GRIN2A: variants seen among roughly 807,000 people sequenced by gnomAD.
GRIN2A encodes the protein glutamate receptor ionotropic, NMDA 2A.
GRIN2A carries 22 observed loss-of-function variants against 113.4 expected under a neutral mutation model. The observed-to-expected ratio is 0.19, with a 90% confidence interval of 0.14 to 0.28. The LOEUF (loss-of-function observed/expected upper bound fraction) is 0.28. Among genes scored for constraint, GRIN2A ranks in the 10% least tolerant of loss-of-function variants. The pLI, the probability that GRIN2A is intolerant of heterozygous loss-of-function variation, is 1.00. For synonymous variants in GRIN2A, 827 were observed against 738.4 expected (o/e 1.12, Z -1.94); for missense variants, 1,502 against 1,887.0 (o/e 0.80, Z 3.78).
intron 2 of GRIN2A, among the ~76,000 whole-genome samples, chr16:10,107,692 G>T (rs549136167): frequency 6.6e-6 from 1 of 152,374 alleles, no homozygotes; most frequent in South Asian, 2.1e-4. Context: ...GAAGATTCCT[G>T]AAAGGGAAAG....
chr16:9,978,687 G>A (rs968099024), intron 2 of GRIN2A, among the ~76,000 whole-genome samples: 1 of 152,130 alleles, frequency 6.6e-6, no homozygotes, highest in African/African-American at 2.4e-5. Flanking sequence ...CCTCCAGAAG[G>A]ATTTTTATCA....
At chr16:10,007,259 G>A (rs1371916932) in intron 2 of GRIN2A, among the ~76,000 whole-genome samples, 1 of 152,134 alleles carries the variant, frequency 6.6e-6, no homozygotes, top group Non-Finnish European at 1.5e-5. Context: ...AAAAAGTACA[G>A]GGTTCCCCTT....
chr16:9,829,107 T>C (rs2042440173), intron 9 of GRIN2A, among the ~76,000 whole-genome samples: 1 of 152,158 alleles, frequency 6.6e-6, no homozygotes, highest in Admixed American at 6.5e-5. Context: ...AAAGGATGAA[T>C]TTCAACCTAA....
chr16:9,779,608 G>A (rs7190785), intron 11 of GRIN2A, among the ~76,000 whole-genome samples: 99,069 of 151,952 alleles, frequency 0.65, 32,588 homozygotes, highest in East Asian at 0.72. Flanking sequence ...TATTACAGAA[G>A]GGACCCTATA....
intron 4 of GRIN2A, among the ~76,000 whole-genome samples, chr16:9,855,893 G>A (rs1422111621): frequency 2.0e-5 from 3 of 152,186 alleles, no homozygotes; most frequent in Admixed American, 1.3e-4. Flanking sequence ...TCTCCATGCT[G>A]CACAAAAAAC....
intron 9 of GRIN2A, 38 bp downstream of exon 9, chr16:9,829,385 C>T: frequency 7.2e-7 from 1 of 1,381,452 alleles, no homozygotes. Flanking sequence ...GCAGTTAAGA[C>T]CAACCCTCAG....
At chr16:9,796,834 G>A (rs377027254) in intron 11 of GRIN2A, among the ~76,000 whole-genome samples, 2 of 152,292 alleles carry the variant, frequency 1.3e-5, no homozygotes, top group South Asian at 2.1e-4. Flanking sequence ...ACTGTTGTAC[G>A]CCTCTAAGAT....
rs113098756 is a variant in GRIN2A at position 9,858,312 on chromosome 16, C to T, written c.1123-8351G>A. On this transcript the variant is annotated intron_variant, in intron 4 of 12. Coordinates refer to ENST00000330684, the MANE Select transcript of GRIN2A (RefSeq NM_001134407.3). ...TAGGCACTTATTATGTATCAGGCACCATTCTTAGTGCTATTTTAATTCTAA... is the reference window on the plus strand; with the variant it reads ...TAGGCACTTATTATGTATCAGGCACTATTCTTAGTGCTATTTTAATTCTAA... Among the ~76,000 whole-genome samples, 1,226 of 152,230 alleles carry T rather than the reference C, an allele frequency of 8.1e-3. 6 individuals carry two copies. The highest frequency in any genetic ancestry group is 0.013 in the Non-Finnish European group (866 of 68,004).
rs186756378 is a variant in GRIN2A, at chr16:9,933,474, C to T, written c.1007+4485G>A. ...CCTCAGTAACTCACCACGAAGATATCAGGTATGACCTCATCTGAACTTCTT... is the reference window on the plus strand; with the variant it reads ...CCTCAGTAACTCACCACGAAGATATTAGGTATGACCTCATCTGAACTTCTT... On this transcript the variant is annotated intron_variant, in intron 3 of 12. Coordinates refer to ENST00000330684, the MANE Select transcript of GRIN2A (RefSeq NM_001134407.3). 1.1e-4 allele frequency among the ~76,000 whole-genome samples: 16 copies of T among 152,334 alleles called. 1 individual carries two copies. The highest frequency in any genetic ancestry group is 6.5e-4 in the Admixed American group (10 of 15,304).
chr16:9,803,878 A>G (rs1233391663), intron 10 of GRIN2A, among the ~76,000 whole-genome samples: 3 of 152,210 alleles, frequency 2.0e-5, no homozygotes, highest in African/African-American at 7.2e-5. Flanking sequence ...AGGCAGCTCT[A>G]TTACTTAGAA....
intron 4 of GRIN2A, among the ~76,000 whole-genome samples, chr16:9,872,499 C>A (rs1263639029): frequency 1.3e-5 from 2 of 152,118 alleles, no homozygotes; most frequent in Non-Finnish European, 2.9e-5. Context: ...GACAGATGTC[C>A]CATCTGTATT....
At chr16:9,838,697 C>T (rs1188723123) in intron 7 of GRIN2A, among the ~76,000 whole-genome samples, 2 of 152,156 alleles carry the variant, frequency 1.3e-5, no homozygotes, top group African/African-American at 4.8e-5. Flanking sequence ...TATTAATTTA[C>T]ATTCCACAGT....
chr16:9,991,984 G>T (rs2046124322), intron 2 of GRIN2A, among the ~76,000 whole-genome samples: 1 of 152,110 alleles, frequency 6.6e-6, no homozygotes, highest in Non-Finnish European at 1.5e-5. Flanking sequence ...GGGTTGATGG[G>T]TGCAGCAAAC....
intron 2 of GRIN2A, among the ~76,000 whole-genome samples, chr16:9,999,334 GAT>G (rs1369908757): frequency 6.6e-6 from 1 of 152,156 alleles, no homozygotes; most frequent in Non-Finnish European, 1.5e-5. Flanking sequence ...ATGAAGGATT[GAT>G]AAGAATCAAG....
rs1400154246 is a variant in GRIN2A at position 10,182,370 on chromosome 16, G to C, written c.-512C>G. 2 of 152,312 alleles carry C rather than the reference G, an allele frequency of 1.3e-5. No individual in the cohort carries two copies. The highest frequency in any genetic ancestry group is 2.9e-5 in the Non-Finnish European group (2 of 68,142). The allele number at this position is 152,312 out of a possible 1,614,324, so 9.4% of individuals were successfully genotyped here. A position where few individuals can be genotyped will look rare whatever the true frequency, so the allele number is the denominator to read the frequency against. On this transcript the variant is annotated 5_prime_UTR_variant, in exon 1 of 13. Coordinates refer to ENST00000330684, the MANE Select transcript of GRIN2A (RefSeq NM_001134407.3). ...CACCCCCTACCACCTCCCCAGCGCC[G>C]GCTGCTGGGAGTTGTGCGACCGGGA...
chr16:9,948,699 G>C (rs2045087356), intron 2 of GRIN2A, among the ~76,000 whole-genome samples: 1 of 152,234 alleles, frequency 6.6e-6, no homozygotes, highest in Non-Finnish European at 1.5e-5. Flanking sequence ...CTGCATGGGA[G>C]TAAAGGAAGA....
chr16:9,778,823 G>A (rs928433071), intron 11 of GRIN2A, among the ~76,000 whole-genome samples: 6 of 152,214 alleles, frequency 3.9e-5, no homozygotes, highest in African/African-American at 1.4e-4. Context: ...ATGTCTGCCT[G>A]ATCATCGCTC....
intron 2 of GRIN2A, among the ~76,000 whole-genome samples, chr16:10,089,941 C>A (rs955303778): frequency 1.3e-5 from 2 of 152,074 alleles, no homozygotes; most frequent in African/African-American, 4.8e-5. Context: ...CATATCAAAA[C>A]CTTGGTGAAT....
At chr16:9,798,173 G>A (rs1270278416) in intron 11 of GRIN2A, 104 bp downstream of exon 11, 1 of 905,712 alleles carries the variant, frequency 1.1e-6, no homozygotes, top group Middle Eastern at 2.9e-4. Flanking sequence ...TATTTTTAGG[G>A]AGCAAACTCA....
Sources: gnomAD v4.1 joint callset for allele counts (sites outside exome capture counted in the v4.1 genomes callset) on GRCh38, gnomAD v4.1.1 for gene constraint, MANE v1.5 for transcripts, NCBI Gene and HGNC (gene_info 2026-07-23, HGNC 2026-07-21) for gene names.